The following C18orf63 variants were observed in gnomAD, a reference collection of about 807,000 sequenced individuals.
C18orf63 encodes the protein uncharacterized protein C18orf63.
In C18orf63, 50 loss-of-function variants were observed where a neutral mutation model predicts 75.3. The observed-to-expected ratio is 0.66, with a 90% CI of 0.53 to 0.84. The LOEUF is 0.84. Among genes scored for constraint, C18orf63 ranks in the 40% least tolerant of loss-of-function variants. The pLI, the probability that C18orf63 is intolerant of heterozygous loss-of-function variation, is 0.00. For missense variants in C18orf63, 732 were observed against 800.2 expected, an observed-to-expected ratio of 0.91 and a Z score of 1.03; for synonymous variants, 232 against 267.6, an observed-to-expected ratio of 0.87 and a Z score of 1.30.
At chr18:74,340,846 G>A (rs751452735) in intron 8 of C18orf63, among the ~76,000 whole-genome samples, 1 of 152,088 alleles carries the variant, frequency 6.6e-6, no homozygotes, top group Non-Finnish European at 1.5e-5. Flanking sequence ...TACCGGGGCT[G>A]GGTAGGTGGG....
In C18orf63 at chr18:74,353,700, A is replaced by G; in HGVS notation, c.1433A>G (p.His478Arg). ...TCACTCAAAACTAGTATGATCCAGC[A>G]TGACAAACTGAATTTAGGTCCAGCT... is the stretch of plus-strand genomic sequence containing the variant. ...LFSLKTSMIQHDKLNLGPAIK... is the reference protein window; with the variant it reads ...LFSLKTSMIQRDKLNLGPAIK... The change falls in exon 12 of 14, where the codon CAT becomes CGT. Residue 478 changes from histidine (H) to arginine (R), a missense_variant. Around this residue, in one of 3 missense-constraint regions of C18orf63, gnomAD observed 495 missense variants for 508.7 expected, o/e 0.97. Coordinates refer to ENST00000579455, the MANE Select transcript of C18orf63 (RefSeq NM_001174123.2). The G allele has an allele frequency of 2.6e-6, 4 of 1,536,088 alleles. No individual in the cohort carries two copies. Among genetic ancestry groups the G allele is most frequent in the Non-Finnish European group, 3.5e-6 (4 of 1,146,836 alleles).
chr18:74,353,516 A>T lies in C18orf63; in HGVS notation c.1249A>T (p.Asn417Tyr). The T allele has an allele frequency of 6.5e-7, 1 of 1,536,658 alleles. No homozygotes were observed. The highest frequency in any genetic ancestry group is 8.7e-7 in the Non-Finnish European group (1 of 1,147,022). Residue 417 changes from asparagine (N) to tyrosine (Y), a missense_variant, in exon 12 of 14, where the codon AAT (asparagine) becomes TAT (tyrosine). Transcript: ENST00000579455. ...HSEVLMPNRG[N>Y]TQVQHTNLSS... ...AGAAGTATTAATGCCCAACAGAGGA[A>T]ATACTCAAGTTCAGCACACAAATCT...
intron 11 of C18orf63, among the ~76,000 whole-genome samples, chr18:74,348,846 G>A (rs1984617780): frequency 6.6e-6 from 1 of 151,984 alleles, no homozygotes; most frequent in Non-Finnish European, 1.5e-5. Context: ...CCCCCTTTGA[G>A]CTATTTACTT....
intron 7 of C18orf63, among the ~76,000 whole-genome samples, chr18:74,335,345 A>G (rs983763153): frequency 1.3e-5 from 2 of 152,152 alleles, no homozygotes; most frequent in African/African-American, 4.8e-5. Flanking sequence ...ATTTTGAAGC[A>G]GTTTATTATA....
At position 74,353,653 on chromosome 18, in the gene C18orf63, T is replaced by G. The variant is rs1466655846; in HGVS notation, c.1386T>G (p.Asp462Glu). 6.5e-7 allele frequency: 1 copy of G among 1,536,184 alleles called. No homozygotes were observed. The highest frequency in any genetic ancestry group is 8.7e-7 in the Non-Finnish European group (1 of 1,146,908). The change falls in exon 12 of 14, where the codon GAT (aspartate) becomes GAG (glutamate). Residue 462 changes from aspartate to glutamate, a missense_variant. Physicochemically the swap from Asp to Glu is conservative, Grantham distance 45. Transcript: ENST00000579455. ...VLGSPKRKQHDVTQSKLFSLK... is the reference protein window; with the variant it reads ...VLGSPKRKQHEVTQSKLFSLK... ...GCAGCCCAAAAAGAAAACAGCATGA[T>G]GTGACACAATCTAAATTGTTTTCAC...
intron 7 of C18orf63, among the ~76,000 whole-genome samples, chr18:74,331,746 T>C (rs538432983): frequency 6.6e-6 from 1 of 152,326 alleles, no homozygotes; most frequent in South Asian, 2.1e-4. Context: ...GAACAAATGA[T>C]GCTTTCTTTG....
At chr18:74,355,120 A>G (rs1984741182) in intron 13 of C18orf63, among the ~76,000 whole-genome samples, 2 of 152,172 alleles carry the variant, frequency 1.3e-5, no homozygotes, top group Non-Finnish European at 2.9e-5. Context: ...TAAAATACCC[A>G]CAAGTTATTT....
At chr18:74,319,331 A>G (rs948206384) in intron 2 of C18orf63, among the ~76,000 whole-genome samples, 7 of 151,666 alleles carry the variant, frequency 4.6e-5, no homozygotes, top group African/African-American at 1.7e-4. Flanking sequence ...GGCCTTGCCA[A>G]GGCAAGTACC....
chr18:74,318,029 T>G (rs1433578621), intron 2 of C18orf63, 30 bp downstream of exon 2: 1 of 1,399,700 alleles, frequency 7.1e-7, no homozygotes. Context: ...AACTAAGACT[T>G]TTAAAACTTT....
chr18:74,340,917 A>G (rs1336155692), intron 8 of C18orf63, among the ~76,000 whole-genome samples: 1 of 152,108 alleles, frequency 6.6e-6, no homozygotes, highest in Non-Finnish European at 1.5e-5. Context: ...TTATATAGGA[A>G]GGATAACTTC....
At chr18:74,317,809 C>T (rs934617149) in intron 1 of C18orf63, 25 bp from the exon 2 acceptor site, 3 of 1,408,188 alleles carry the variant, frequency 2.1e-6, no homozygotes, top group South Asian at 1.5e-5. Context: ...AATTTACTAC[C>T]TTTTTTTGCT....
intron 3 of C18orf63, among the ~76,000 whole-genome samples, chr18:74,321,541 G>A (rs1984121713): frequency 1.3e-5 from 2 of 152,108 alleles, no homozygotes; most frequent in Non-Finnish European, 2.9e-5. Flanking sequence ...CTGAGCTCAA[G>A]CAATCCTCCC....
chr18:74,326,281 T>C (rs756454545), intron 4 of C18orf63, among the ~76,000 whole-genome samples: 32 of 152,352 alleles, frequency 2.1e-4, no homozygotes, highest in Non-Finnish European at 3.7e-4. Context: ...AGATGGATAA[T>C]ATTGGGAGAC....
intron 4 of C18orf63, among the ~76,000 whole-genome samples, chr18:74,324,526 T>C (rs930494459): frequency 2.6e-5 from 4 of 152,190 alleles, no homozygotes; most frequent in Non-Finnish European, 5.9e-5. Context: ...TTATATGTCA[T>C]TTTGCTTAAA....
intron 4 of C18orf63, among the ~76,000 whole-genome samples, chr18:74,324,481 C>A (rs369415504): frequency 6.6e-6 from 1 of 152,082 alleles, no homozygotes; most frequent in Non-Finnish European, 1.5e-5. Context: ...ATAGTTTTAG[C>A]AATAGCCAAA....
At chr18:74,352,802 C>A (rs1326814444) in intron 11 of C18orf63, among the ~76,000 whole-genome samples, 5 of 152,030 alleles carry the variant, frequency 3.3e-5, no homozygotes, top group African/African-American at 1.2e-4. Context: ...TTTTTTGTGA[C>A]AAATATTATT....
Position 74,353,096 on chromosome 18 carries a change from G to A in C18orf63, c.979-150G>A, listed in dbSNP as rs943480696. ...AGAAATGTACTCATTTCCACCAGAA[G>A]GCTCATTTTTATTTTGTTTTTCTTT... On this transcript the variant is annotated intron_variant, in intron 11 of 13. Transcript: ENST00000579455. 58 of 613,706 alleles carry A rather than the reference G, an allele frequency of 9.5e-5. 1 individual carries two copies. In the African/African-American group the frequency reaches 1.0e-3, roughly 11 times the overall value. 38.0% of individuals were successfully genotyped at this position (613,706 alleles called of 1,614,324 possible). A position where few individuals can be genotyped will look rare whatever the true frequency, so the allele number is the denominator to read the frequency against.
At chr18:74,327,222 A>G (rs1248822078) in intron 4 of C18orf63, among the ~76,000 whole-genome samples, 1 of 152,194 alleles carries the variant, frequency 6.6e-6, no homozygotes, top group East Asian at 1.9e-4. Context: ...CCAAACCTTT[A>G]TGATTTAGCA....
At chr18:74,330,779 A>G in intron 6 of C18orf63, 87 bp from the exon 7 acceptor site, 1 of 538,750 alleles carries the variant, frequency 1.9e-6, no homozygotes, top group South Asian at 2.7e-5. Context: ...TGACTTGAAT[A>G]AGTTAGTTTC....
Sources: gnomAD v4.1 joint callset for allele counts (sites outside exome capture counted in the v4.1 genomes callset) on GRCh38, gnomAD v4.1.1 for gene constraint, gnomAD v4.1.1 regional missense constraint, MANE v1.5 for transcripts, NCBI Gene and HGNC (gene_info 2026-07-23, HGNC 2026-07-21) for gene names.